TAFA1: variants seen among roughly 807,000 people sequenced by gnomAD.
TAFA1 encodes the protein TAFA chemokine like family member 1.
In TAFA1, 4 loss-of-function variants were observed where a neutral mutation model predicts 18.5. That is an observed-to-expected ratio of 0.22 (90% CI 0.11 to 0.49). The LOEUF (loss-of-function observed/expected upper bound fraction) is 0.49. Ranked by LOEUF, TAFA1 falls within the 20% of genes least tolerant of loss-of-function variation. The probability of loss-of-function intolerance (pLI) is 0.98; values close to 1 mark genes in which losing one functional copy is unlikely to be tolerated. For missense variants in TAFA1, 147 were observed against 169.0 expected, an observed-to-expected ratio of 0.87 and a Z score of 0.72; for synonymous variants, 56 against 55.2, an observed-to-expected ratio of 1.01 and a Z score of -0.06.
chr3:68,275,810 C>T (rs17047423), intron 2 of TAFA1, among the ~76,000 whole-genome samples: 41,543 of 151,856 alleles, frequency 0.27, 5,914 homozygotes, highest in East Asian at 0.44. Flanking sequence ...AAATGGTTAA[C>T]TGGAATTTGG....
At chr3:68,025,834 G>A (rs1704803398) in intron 2 of TAFA1, among the ~76,000 whole-genome samples, 1 of 152,064 alleles carries the variant, frequency 6.6e-6, no homozygotes, top group Admixed American at 6.6e-5. Context: ...CCTCATCTCA[G>A]AACTGCACAT....
chr3:68,006,511 G>C, intron 1 of TAFA1, 113 bp from the exon 2 acceptor site: 1 of 733,250 alleles, frequency 1.4e-6, no homozygotes, highest in Non-Finnish European at 2.5e-6. Context: ...GTTCTAGCCA[G>C]AGAAGTAGCA....
intron 3 of TAFA1, among the ~76,000 whole-genome samples, chr3:68,518,107 C>A (rs1046597306): frequency 3.9e-5 from 6 of 152,214 alleles, no homozygotes; most frequent in African/African-American, 1.4e-4. Context: ...GATCCTTTAG[C>A]ACTCATTGCA....
intron 2 of TAFA1, among the ~76,000 whole-genome samples, chr3:68,110,987 G>T (rs943261849): frequency 2.0e-5 from 3 of 152,108 alleles, no homozygotes; most frequent in African/African-American, 7.2e-5. Flanking sequence ...AGAGTTGTTT[G>T]AATGCCCCCC....
intron 3 of TAFA1, among the ~76,000 whole-genome samples, chr3:68,521,388 C>A (rs768899202): frequency 5.3e-5 from 8 of 152,258 alleles, no homozygotes; most frequent in Middle Eastern, 3.4e-3. Context: ...TTTTCTGTAG[C>A]CAATTTACAA....
intron 2 of TAFA1, among the ~76,000 whole-genome samples, chr3:68,091,632 T>C (rs2065030692): frequency 6.6e-6 from 1 of 152,070 alleles, no homozygotes. Context: ...TATATACTCA[T>C]TAATTTTGAT....
At chr3:68,339,326 T>A (rs2069040303) in intron 2 of TAFA1, among the ~76,000 whole-genome samples, 1 of 152,232 alleles carries the variant, frequency 6.6e-6, no homozygotes, top group Non-Finnish European at 1.5e-5. Context: ...TTTCAGAACA[T>A]TTTTGCTATG....
chr3:68,202,510 T>C (rs1181158197), intron 2 of TAFA1, among the ~76,000 whole-genome samples: 1 of 151,794 alleles, frequency 6.6e-6, no homozygotes, highest in African/African-American at 2.4e-5. Flanking sequence ...CTCCTTTCTT[T>C]AGCACGCTAT....
At chr3:68,536,008 T>C (rs564416018) in intron 3 of TAFA1, among the ~76,000 whole-genome samples, 2 of 152,344 alleles carry the variant, frequency 1.3e-5, no homozygotes, top group South Asian at 4.1e-4. Context: ...CTTAGATGAA[T>C]GTGTGTCTCA....
intron 3 of TAFA1, among the ~76,000 whole-genome samples, chr3:68,459,802 A>G (rs777217174): frequency 9.2e-5 from 14 of 152,236 alleles, no homozygotes; most frequent in Non-Finnish European, 1.9e-4. Flanking sequence ...GAAAGAAAAG[A>G]AATTGATAAA....
chr3:68,262,355 A>ATATT (rs2067451813), intron 2 of TAFA1, among the ~76,000 whole-genome samples: 1 of 86,728 alleles, frequency 1.2e-5, no homozygotes, highest in Admixed American at 1.2e-4. Context: ...ATATATATAT[A>ATATT]TATTTCATGG....
intron 2 of TAFA1, among the ~76,000 whole-genome samples, chr3:68,290,258 C>T (rs573580262): frequency 6.6e-5 from 10 of 152,224 alleles, no homozygotes; most frequent in South Asian, 6.2e-4. Context: ...GACCTGCAAA[C>T]GTCACACAAT....
chr3:68,347,893 A>G (rs2069191978), intron 2 of TAFA1, among the ~76,000 whole-genome samples: 1 of 152,076 alleles, frequency 6.6e-6, no homozygotes, highest in Non-Finnish European at 1.5e-5. Context: ...CTTTTCTCCT[A>G]CTGGATTCTT....
At chr3:68,294,712 C>T (rs1340374706) in intron 2 of TAFA1, among the ~76,000 whole-genome samples, 1 of 151,712 alleles carries the variant, frequency 6.6e-6, no homozygotes, top group Admixed American at 6.6e-5. Flanking sequence ...TGAAAGCCCA[C>T]CTCTACAAAA....
chr3:68,164,395 G>A (rs1575654763), intron 2 of TAFA1, among the ~76,000 whole-genome samples: 1 of 152,282 alleles, frequency 6.6e-6, no homozygotes, highest in East Asian at 1.9e-4. Context: ...CTGAAATACT[G>A]ACACTTCATA....
chr3:68,129,851 T>G (rs1450253607), intron 2 of TAFA1, among the ~76,000 whole-genome samples: 1 of 152,178 alleles, frequency 6.6e-6, no homozygotes, highest in Non-Finnish European at 1.5e-5. Flanking sequence ...TTGAGAAATA[T>G]AGCAGACTTG....
intron 2 of TAFA1, among the ~76,000 whole-genome samples, chr3:68,182,420 T>G (rs2066215475): frequency 2.0e-5 from 3 of 152,178 alleles, no homozygotes; most frequent in Admixed American, 2.0e-4. Context: ...GCCGTCAGCT[T>G]CTGGGGTGGT....
chr3:68,233,547 T>C (rs1004123822), intron 2 of TAFA1, among the ~76,000 whole-genome samples: 21 of 152,192 alleles, frequency 1.4e-4, no homozygotes, highest in African/African-American at 3.9e-4. Context: ...TGAAGTCAGG[T>C]CGTGTGATAC....
At chr3:68,118,855 T>C (rs1196758938) in intron 2 of TAFA1, among the ~76,000 whole-genome samples, 1 of 152,206 alleles carries the variant, frequency 6.6e-6, no homozygotes, top group African/African-American at 2.4e-5. Context: ...AAATATTTTT[T>C]GAGATGCTGC....
Sources: gnomAD v4.1 joint callset for allele counts (sites outside exome capture counted in the v4.1 genomes callset) on GRCh38, gnomAD v4.1.1 for gene constraint, MANE v1.5 for transcripts, NCBI Gene and HGNC (gene_info 2026-07-23, HGNC 2026-07-21) for gene names.